Variants in KCNQ1OT1 observed in about 807,000 individuals in gnomAD.
The protein encoded by KCNQ1OT1 is KCNQ1 antisense RNA 2 (non-protein coding).
At position 2,670,305 on chromosome 11, in the gene KCNQ1OT1, G is replaced by C. The variant is rs147023822; in HGVS notation, n.29690C>G. 365 of 398,594 alleles carry C rather than the reference G, an allele frequency of 9.2e-4. No homozygotes were observed. The highest frequency in any genetic ancestry group is 7.0e-3 in the African/African-American group (342 of 48,728). The allele number at this position is 398,594 out of a possible 1,614,324, so 24.7% of individuals were successfully genotyped here. A position where few individuals can be genotyped will look rare whatever the true frequency, so the allele number is the denominator to read the frequency against. On this transcript the variant is annotated non_coding_transcript_exon_variant, in exon 1 of 1. Transcript: ENST00000597346. This position sits in a 1 kb window ranked among gnomAD's most constrained non-coding sequence, Gnocchi z 4.9. ...AGGCAACCCATAGGTGCCCAATGGA[G>C]AGATAATCTCAAATATGGTAGCAGA...
rs752823865 is a variant in KCNQ1OT1, at chr11:2,642,696, C to T, written n.57299G>A. ...GATCTTCGTTATTTCTTTCCTTCTA[C>T]TAATTTTATGTTTAGTATGGTTTGT... On this transcript the variant is annotated non_coding_transcript_exon_variant, in exon 1 of 1. Coordinates refer to ENST00000597346, the Ensembl canonical transcript of KCNQ1OT1. This position sits in a 1 kb window ranked among gnomAD's most constrained non-coding sequence, Gnocchi z 4.3. The T allele has an allele frequency of 1.7e-4, 69 of 397,732 alleles. No individual in the cohort carries two copies. Among genetic ancestry groups the T allele is most frequent in the Admixed American group, 3.5e-4 (8 of 22,692 alleles). 24.6% of individuals were successfully genotyped at this position (397,732 alleles called of 1,614,324 possible).
exon 1 of KCNQ1OT1, chr11:2,667,285 G>A (rs886461025): frequency 4.5e-5 from 18 of 398,518 alleles, no homozygotes; most frequent in Admixed American, 8.8e-5. Context: ...TGCTGCTATG[G>A]GGAGAGGGCC....
chr11:2,655,854 A>G lies in KCNQ1OT1; in HGVS notation n.44141T>C, dbSNP rs1179535736. ...ACAATAACCTCTCCTCTTGAATTGG[A>G]AAAACAAATCTGTGGAGGCCTTCTC... is the stretch of plus-strand genomic sequence containing the variant. On this transcript the variant is annotated non_coding_transcript_exon_variant, in exon 1 of 1. Transcript: ENST00000597346. 3.0e-5 allele frequency: 12 copies of G among 398,660 alleles called. No individual in the cohort carries two copies. In the East Asian group the frequency reaches 4.3e-4, roughly 14 times the overall value. 24.7% of individuals were successfully genotyped at this position (398,660 alleles called of 1,614,324 possible).
In KCNQ1OT1 at chr11:2,679,822, C is replaced by A. The variant is rs1850358467; in HGVS notation, n.20173G>T. On this transcript the variant is annotated non_coding_transcript_exon_variant, in exon 1 of 1. Coordinates refer to ENST00000597346, the Ensembl canonical transcript of KCNQ1OT1. This position sits in a 1 kb window ranked among gnomAD's most constrained non-coding sequence, Gnocchi z 4.8. ...TAGAGGAGCACAAGGGGCCAGACTG[C>A]TGCTACTTCTGAATTTTATAGGACA... 1 of 398,476 alleles carries A rather than the reference C, an allele frequency of 2.5e-6. No individual in the cohort carries two copies. Among genetic ancestry groups the A allele is most frequent in the Non-Finnish European group, 4.4e-6 (1 of 226,078 alleles). The allele number at this position is 398,476 out of a possible 1,614,324, so 24.7% of individuals were successfully genotyped here.
exon 1 of KCNQ1OT1, chr11:2,641,544 T>A (rs1017105819): frequency 5.0e-6 from 2 of 398,386 alleles, no homozygotes; most frequent in African/African-American, 4.1e-5. Context: ...TAGTACCTTG[T>A]CAGATGAGTA....
In KCNQ1OT1 at chr11:2,684,169, A is replaced by T. The variant is rs548495987; in HGVS notation, n.15826T>A. 1.5e-4 allele frequency: 58 copies of T among 398,680 alleles called. 1 individual carries two copies. The East Asian group carries it at 2.1e-3, about 14-fold the overall frequency. The allele number at this position is 398,680 out of a possible 1,614,324, so 24.7% of individuals were successfully genotyped here. A position where few individuals can be genotyped will look rare whatever the true frequency, so the allele number is the denominator to read the frequency against. ...GGGGTACACCAGAGGACTTAGGAAG[A>T]GAAGCGCCCACTGGGGCTTGGTCAG... On this transcript the variant is annotated non_coding_transcript_exon_variant, in exon 1 of 1. Coordinates refer to ENST00000597346, the Ensembl canonical transcript of KCNQ1OT1.
exon 1 of KCNQ1OT1, chr11:2,615,182 C>T: frequency 2.5e-6 from 1 of 398,042 alleles, no homozygotes; most frequent in Admixed American, 4.4e-5. Context: ...TAAAAATTGA[C>T]TTCCTTCTTG....
exon 1 of KCNQ1OT1, chr11:2,667,062 A>C (rs1395952936): frequency 5.0e-6 from 2 of 398,530 alleles, no homozygotes; most frequent in African/African-American, 2.1e-5. Context: ...CCCGTCTCTG[A>C]AATGCACGGG....
In KCNQ1OT1 at chr11:2,660,722, C is replaced by G. The variant is rs1849937942; in HGVS notation, n.39273G>C. 3 of 398,614 alleles carry G rather than the reference C, an allele frequency of 7.5e-6. No homozygotes were observed. The East Asian group carries it at 1.1e-4, about 14-fold the overall frequency. The allele number at this position is 398,614 out of a possible 1,614,324, so 24.7% of individuals were successfully genotyped here. On this transcript the variant is annotated non_coding_transcript_exon_variant, in exon 1 of 1. Transcript: ENST00000597346. ...TGACAACCTTCATTCGGGCTTCATT[C>G]AACACTTCATTCAGGCATGGATGTG...
rs1849170226 is a variant in KCNQ1OT1, at chr11:2,621,419, A to C, written n.78576T>G. The C allele has an allele frequency of 1.3e-5, 5 of 398,512 alleles. No homozygotes were observed. The highest frequency in any genetic ancestry group is 1.8e-5 in the Non-Finnish European group (4 of 226,036). The allele number at this position is 398,512 out of a possible 1,614,324, so 24.7% of individuals were successfully genotyped here. The stretch of plus-strand genomic sequence containing the variant: ...TCGTTTTTTGCTTGTTGATTGGTTT[A>C]AGTTCCTTATGGATTCTGGACATAG... On this transcript the variant is annotated non_coding_transcript_exon_variant, in exon 1 of 1. Coordinates refer to ENST00000597346, the Ensembl canonical transcript of KCNQ1OT1. This position sits in a 1 kb window ranked among gnomAD's most constrained non-coding sequence, Gnocchi z 5.7.
exon 1 of KCNQ1OT1, chr11:2,660,191 T>A: frequency 2.5e-6 from 1 of 398,408 alleles, no homozygotes; most frequent in Non-Finnish European, 4.4e-6. Flanking sequence ...ATTTTAGATT[T>A]TTTTTCAGTA....
exon 1 of KCNQ1OT1, chr11:2,629,120 C>T (rs1258344515): frequency 2.5e-6 from 1 of 397,896 alleles, no homozygotes. Context: ...TTGTCTATAT[C>T]TGTGAAAAAA....
rs771209430 is a variant in KCNQ1OT1 at position 2,621,265 on chromosome 11, AC to A, written n.78729del. On this transcript the variant is annotated non_coding_transcript_exon_variant, in exon 1 of 1. Coordinates refer to ENST00000597346, the Ensembl canonical transcript of KCNQ1OT1. The surrounding 1 kb of genome is among the most constrained non-coding windows in gnomAD (Gnocchi z 5.7). ...AGTGCTAGGACTACAGGCATGAGCC[AC>A]CGTGCCTGGCCTCATTATTTGCATT... is the stretch of plus-strand genomic sequence containing the variant. 6.8e-5 allele frequency: 27 copies of A among 398,396 alleles called. No homozygotes were observed. The highest frequency in any genetic ancestry group is 1.2e-4 in the Non-Finnish European group (27 of 226,076). 24.7% of individuals were successfully genotyped at this position (398,396 alleles called of 1,614,324 possible).
At position 2,659,953 on chromosome 11, in the gene KCNQ1OT1, T is replaced by C. The variant is rs562016485; in HGVS notation, n.40042A>G. ...TTCTGAGTGCAAGTCCTTGACCTGA[T>C]AGGTGATATGCAAATATTCTTTCCA... On this transcript the variant is annotated non_coding_transcript_exon_variant, in exon 1 of 1. Coordinates refer to ENST00000597346, the Ensembl canonical transcript of KCNQ1OT1. The surrounding 1 kb of genome is among the most constrained non-coding windows in gnomAD (Gnocchi z 4.3). 5.0e-6 allele frequency: 2 copies of C among 398,472 alleles called. No individual in the cohort carries two copies. Among genetic ancestry groups the C allele is most frequent in the South Asian group, 1.3e-4 (1 of 7,858 alleles). 24.7% of individuals were successfully genotyped at this position (398,472 alleles called of 1,614,324 possible). A position where few individuals can be genotyped will look rare whatever the true frequency, so the allele number is the denominator to read the frequency against.
At chr11:2,610,532 G>A (rs1848962952) in exon 1 of KCNQ1OT1, 2 of 398,012 alleles carry the variant, frequency 5.0e-6, no homozygotes, top group South Asian at 2.6e-4. Flanking sequence ...TTACCTCCTT[G>A]CTCTTTGCTT....
chr11:2,637,049 T>C (rs1849482072), exon 1 of KCNQ1OT1: 1 of 152,226 alleles, frequency 6.6e-6, no homozygotes, highest in African/African-American at 2.4e-5. Flanking sequence ...TATCATTTTT[T>C]ATTGCATCTA....
Position 2,695,917 on chromosome 11 carries a change from G to A in KCNQ1OT1, n.4078C>T, listed in dbSNP as rs753300582. On this transcript the variant is annotated non_coding_transcript_exon_variant, in exon 1 of 1. Transcript: ENST00000597346. The surrounding 1 kb of genome is among the most constrained non-coding windows in gnomAD (Gnocchi z 5.2). ...TCCTACCTTTTTCTTAATGATTTGT[G>A]GTGCTTTCTGGTATATTTTAGCTGT... 1.3e-5 allele frequency: 5 copies of A among 398,362 alleles called. No individual in the cohort carries two copies. The highest frequency in any genetic ancestry group is 8.8e-5 in the Admixed American group (2 of 22,710). The allele number at this position is 398,362 out of a possible 1,614,324, so 24.7% of individuals were successfully genotyped here.
Position 2,674,081 on chromosome 11 carries a change from AGGTCT to A in KCNQ1OT1, n.25909_25913del, listed in dbSNP as rs1389903581. On this transcript the variant is annotated non_coding_transcript_exon_variant, in exon 1 of 1. Transcript: ENST00000597346. The surrounding 1 kb of genome is among the most constrained non-coding windows in gnomAD (Gnocchi z 5.9). ...TGGCTGCCCCATGGGGGCTTGGGCT[AGGTCT>A]CCCTGCCGGTGGGGAGGGAGGTGTG... is the stretch of plus-strand genomic sequence containing the variant. 4 of 398,436 alleles carry A rather than the reference AGGTCT, an allele frequency of 1.0e-5. No homozygotes were observed. Among genetic ancestry groups the A allele is most frequent in the Non-Finnish European group, 1.8e-5 (4 of 226,118 alleles). 24.7% of individuals were successfully genotyped at this position (398,436 alleles called of 1,614,324 possible).
chr11:2,610,436 A>C, exon 1 of KCNQ1OT1: 1 of 398,340 alleles, frequency 2.5e-6, no homozygotes, highest in Non-Finnish European at 4.4e-6. Flanking sequence ...TCCTTATATC[A>C]TATATTTGAT....
Sources: gnomAD v4.1 joint callset for allele counts on GRCh38, gnomAD v4.1.1 for gene constraint, Gnocchi (gnomAD v3.1) non-coding constraint, MANE v1.5 for transcripts, NCBI Gene and HGNC (gene_info 2026-07-23, HGNC 2026-07-21) for gene names.